Variants in UGT1A10 observed in about 807,000 individuals in gnomAD.
The protein encoded by UGT1A10 is UDP-glucuronosyltransferase 1A10.
A neutral mutation model predicts 45.8 loss-of-function variants in UGT1A10; 49 were observed. That is an observed-to-expected ratio of 1.07 (90% CI 0.85 to 1.36). The LOEUF (loss-of-function observed/expected upper bound fraction) is 1.36, where lower values mean the gene tolerates loss of function less well. Ranked by LOEUF, UGT1A10 falls within the 40% of genes most tolerant of loss-of-function variation. UGT1A10 has a pLI of 0.00. For synonymous variants in UGT1A10, 284 were observed against 249.7 expected (o/e 1.14, Z -1.29); for missense variants, 745 against 668.6 (o/e 1.11, Z -1.26).
chr2:233,699,542 A>G (rs572056106), intron 1 of UGT1A10, among the ~76,000 whole-genome samples: 2 of 152,328 alleles, frequency 1.3e-5, no homozygotes, highest in East Asian at 3.9e-4. Context: ...CATTCACATC[A>G]TAGAGCCAGG....
rs55749169 is a variant in UGT1A10, at chr2:233,661,623, T to TTTTCTTTCTTTCTTTCTTTCTTTCTTTC, written c.855+24278_855+24305dup. Reference sequence around the variant, plus strand: ...ATCACTGCAGTGAAGACTTACTGAATTTTCTTTCTTTCTTTCTTTCTTTCT... The same window carrying TTTTCTTTCTTTCTTTCTTTCTTTCTTTC: ...ATCACTGCAGTGAAGACTTACTGAATTTTCTTTCTTTCTTTCTTTCTTTCTTTCTTTCTTTCTTTCTTTCTTTCTTTCT... On this transcript the variant is annotated intron_variant, in intron 1 of 4. Transcript: ENST00000344644. Among the ~76,000 whole-genome samples the TTTTCTTTCTTTCTTTCTTTCTTTCTTTC allele has an allele frequency of 2.2e-3, 272 of 124,032 alleles. 6 individuals are homozygous for TTTTCTTTCTTTCTTTCTTTCTTTCTTTC. Among genetic ancestry groups the TTTTCTTTCTTTCTTTCTTTCTTTCTTTC allele is most frequent in the African/African-American group, 3.6e-3 (114 of 31,330 alleles). 81.4% of individuals were successfully genotyped at this position (124,032 alleles called of 152,430 possible). A position where few individuals can be genotyped will look rare whatever the true frequency, so the allele number is the denominator to read the frequency against.
At chr2:233,747,795 CCTAAGTTA>C (rs2125887995) in intron 1 of UGT1A10, 1 of 1,613,516 alleles carries the variant, frequency 6.2e-7, no homozygotes, top group South Asian at 1.1e-5. Context: ...CTCCTATATT[CCTAAGTTA>C]CTAACGACCA....
intron 1 of UGT1A10, among the ~76,000 whole-genome samples, chr2:233,717,017 A>C (rs1321283175): frequency 2.0e-5 from 3 of 152,130 alleles, no homozygotes; most frequent in Non-Finnish European, 4.4e-5. Flanking sequence ...CTCTGAAGGC[A>C]CCACCATCTT....
At position 233,772,521 on chromosome 2, in the gene UGT1A10, G is replaced by A. The variant is rs746578451; in HGVS notation, c.1555G>A (p.Gly519Arg). 24 of 1,614,040 alleles carry A rather than the reference G, an allele frequency of 1.5e-5. No individual in the cohort carries two copies. The highest frequency in any genetic ancestry group is 1.7e-6 in the Non-Finnish European group (2 of 1,180,036). ...CTACCGGAAATGCTTGGGGAAAAAA[G>A]GGCGAGTTAAGAAAGCCCACAAATC... ...YGYRKCLGKK[G>R]RVKKAHKSKT... The change falls in exon 5 of 5, where the codon GGG becomes AGG. Residue 519 changes from glycine (G) to arginine (R), a missense_variant. Coordinates refer to ENST00000344644, the MANE Select transcript of UGT1A10 (RefSeq NM_019075.4).
intron 1 of UGT1A10, among the ~76,000 whole-genome samples, chr2:233,714,456 G>T (rs1216186200): frequency 6.6e-6 from 1 of 152,164 alleles, no homozygotes; most frequent in Non-Finnish European, 1.5e-5. Flanking sequence ...GAGAGGGAGT[G>T]TTGGATTGTA....
intron 1 of UGT1A10, chr2:233,722,063 A>G (rs2076988750): frequency 4.1e-6 from 1 of 244,354 alleles, no homozygotes; most frequent in Non-Finnish European, 8.2e-6. Context: ...GGTCAAGTGA[A>G]TAAAGAAGAA....
intron 1 of UGT1A10, among the ~76,000 whole-genome samples, chr2:233,666,555 G>A (rs1416611785): frequency 6.6e-6 from 1 of 151,972 alleles, no homozygotes; most frequent in Admixed American, 6.6e-5. Context: ...GAATTTTAAA[G>A]ATTATTTATA....
At chr2:233,644,570 G>GAATAAATAAATA (rs142251670) in intron 1 of UGT1A10, among the ~76,000 whole-genome samples, 4 of 151,168 alleles carry the variant, frequency 2.6e-5, no homozygotes, top group African/African-American at 9.7e-5. Flanking sequence ...CAAAAAATAA[G>GAATAAATAAATA]AATAAATAAA....
intron 1 of UGT1A10, chr2:233,747,887 T>G (rs1394358402): frequency 6.2e-6 from 10 of 1,613,492 alleles, no homozygotes; most frequent in African/African-American, 1.3e-5. Context: ...ACCTTTGCCA[T>G]GCTCTTTCTG....
chr2:233,770,228 A>T (rs1355142630), intron 4 of UGT1A10: 1 of 152,236 alleles, frequency 6.6e-6, no homozygotes, highest in Non-Finnish European at 1.5e-5. Context: ...TCTGATTGTG[A>T]ATCTCCATGA....
chr2:233,755,163 G>A (rs183842611), intron 1 of UGT1A10: 2 of 1,285,674 alleles, frequency 1.6e-6, no homozygotes, highest in African/African-American at 1.6e-5. Flanking sequence ...CCTGTCCTCG[G>A]GGTTTTTGTC....
At chr2:233,754,750 A>G in intron 1 of UGT1A10, 1 of 810,338 alleles carries the variant, frequency 1.2e-6, no homozygotes, top group Non-Finnish European at 1.9e-6. Context: ...ATGCAGAAGG[A>G]AGAAAGGCCC....
At chr2:233,719,295 G>A in intron 1 of UGT1A10, 1 of 1,613,994 alleles carries the variant, frequency 6.2e-7, no homozygotes. Context: ...CCTCTGTGGG[G>A]CGGTGCTGGC....
At chr2:233,727,715 G>T (rs2125728496) in intron 1 of UGT1A10, among the ~76,000 whole-genome samples, 1 of 152,312 alleles carries the variant, frequency 6.6e-6, no homozygotes, top group African/African-American at 2.4e-5. Context: ...CAAAGCCCTT[G>T]CAGACCTTCC....
chr2:233,684,280 A>G (rs2074671644), intron 1 of UGT1A10, among the ~76,000 whole-genome samples: 1 of 152,204 alleles, frequency 6.6e-6, no homozygotes, highest in East Asian at 1.9e-4. Flanking sequence ...ATGAAACATG[A>G]CTTTCAGCTC....
intron 1 of UGT1A10, among the ~76,000 whole-genome samples, chr2:233,719,879 C>A (rs573880021): frequency 1.3e-5 from 2 of 152,076 alleles, no homozygotes; most frequent in Non-Finnish European, 2.9e-5. Flanking sequence ...AGAAGAGGCA[C>A]GGATGAGGGT....
chr2:233,644,872 C>G (rs1453135665), intron 1 of UGT1A10, among the ~76,000 whole-genome samples: 2 of 151,978 alleles, frequency 1.3e-5, no homozygotes, highest in Non-Finnish European at 2.9e-5. Flanking sequence ...GGTGGTTTTT[C>G]CTGTGTAGAT....
At chr2:233,711,977 C>T (rs562474845) in intron 1 of UGT1A10, among the ~76,000 whole-genome samples, 2 of 152,280 alleles carry the variant, frequency 1.3e-5, no homozygotes, top group Admixed American at 6.5e-5. Context: ...TGAACTAGAG[C>T]CCCCACAAAT....
Position 233,747,455 on chromosome 2 carries a change from C to T in UGT1A10, c.856-19579C>T, listed in dbSNP as rs545965821. Reference sequence around the variant, plus strand: ...AATTTTTCACCCTGACAACCTATGCCATTTCATGGACCCAGGATGAATTTG... The same window carrying T: ...AATTTTTCACCCTGACAACCTATGCTATTTCATGGACCCAGGATGAATTTG... On this transcript the variant is annotated intron_variant, in intron 1 of 4. Coordinates refer to ENST00000344644, the MANE Select transcript of UGT1A10 (RefSeq NM_019075.4). 52 of 1,608,866 alleles carry T rather than the reference C, an allele frequency of 3.2e-5. 1 individual carries two copies. Among genetic ancestry groups the T allele is most frequent in the Admixed American group, 5.0e-5 (3 of 60,014 alleles).
Sources: gnomAD v4.1 joint callset for allele counts (sites outside exome capture counted in the v4.1 genomes callset) on GRCh38, gnomAD v4.1.1 for gene constraint, MANE v1.5 for transcripts, NCBI Gene and HGNC (gene_info 2026-07-23, HGNC 2026-07-21) for gene names.